The following CNTN5 variants were observed in gnomAD, a reference collection of about 807,000 sequenced individuals.
CNTN5 encodes the protein contactin-5.
Under a neutral mutation model 129.1 loss-of-function variants are expected in CNTN5, and 77 were observed. That is an observed-to-expected ratio of 0.60 (90% confidence interval 0.50 to 0.72). CNTN5 has a LOEUF of 0.72. Among genes scored for constraint, CNTN5 ranks in the 30% least tolerant of loss-of-function variants. The pLI is 0.00. For synonymous variants in CNTN5, 509 were observed against 465.6 expected, an observed-to-expected ratio of 1.09 and a Z score of -1.20; for missense variants, 1,478 against 1,328.8, an observed-to-expected ratio of 1.11 and a Z score of -1.75.
At chr11:99,481,360 A>G (rs1945593857) in intron 2 of CNTN5, among the ~76,000 whole-genome samples, 1 of 152,126 alleles carries the variant, frequency 6.6e-6, no homozygotes, top group African/African-American at 2.4e-5. Flanking sequence ...TCTTACACAA[A>G]ATATATTAGA....
chr11:99,158,157 C>G (rs968659656), intron 1 of CNTN5, among the ~76,000 whole-genome samples: 1 of 152,112 alleles, frequency 6.6e-6, no homozygotes, highest in African/African-American at 2.4e-5. Context: ...CACCTCACCT[C>G]TCTCTCCAAT....
At chr11:99,644,163 G>GTC (rs34247791) in intron 3 of CNTN5, among the ~76,000 whole-genome samples, 91,134 of 151,730 alleles carry the variant, frequency 0.6, 28,205 homozygotes, top group Admixed American at 0.69. Flanking sequence ...AAAAAAGACT[G>GTC]TCTCTAGCGT....
At chr11:99,394,571 G>T (rs182005142) in intron 2 of CNTN5, among the ~76,000 whole-genome samples, 58 of 151,350 alleles carry the variant, frequency 3.8e-4, no homozygotes, top group African/African-American at 1.2e-3. Flanking sequence ...AAGTTCGGGG[G>T]TATAAGTGCA....
chr11:99,813,915 A>T (rs1355867574), intron 3 of CNTN5, among the ~76,000 whole-genome samples: 4 of 152,172 alleles, frequency 2.6e-5, no homozygotes, highest in Non-Finnish European at 5.9e-5. Context: ...GAGATCTTAT[A>T]AAAGTTCAAG....
At chr11:100,336,427 T>A (rs914854004) in intron 21 of CNTN5, among the ~76,000 whole-genome samples, 1 of 152,114 alleles carries the variant, frequency 6.6e-6, no homozygotes, top group Non-Finnish European at 1.5e-5. Context: ...AATAAGAAAA[T>A]ATTTCTATAT....
At chr11:99,988,255 G>A (rs1236556283) in intron 8 of CNTN5, among the ~76,000 whole-genome samples, 1 of 152,242 alleles carries the variant, frequency 6.6e-6, no homozygotes, top group African/African-American at 2.4e-5. Flanking sequence ...AATCTGTGCA[G>A]ATTAAAGTGT....
chr11:99,488,142 C>A (rs1945888561), intron 2 of CNTN5, among the ~76,000 whole-genome samples: 1 of 146,756 alleles, frequency 6.8e-6, no homozygotes. Context: ...AGAATCTCTT[C>A]TAAGAATCTC....
At chr11:99,162,443 G>A (rs1412258359) in intron 1 of CNTN5, among the ~76,000 whole-genome samples, 4 of 152,068 alleles carry the variant, frequency 2.6e-5, no homozygotes, top group South Asian at 2.1e-4. Flanking sequence ...TGTCACTGAC[G>A]GGAAAATTCT....
chr11:99,349,325 G>T (rs77320489), intron 2 of CNTN5, among the ~76,000 whole-genome samples: 1 of 152,040 alleles, frequency 6.6e-6, no homozygotes, highest in East Asian at 1.9e-4. Context: ...TTTCCTGGCC[G>T]TCTGCCAGAA....
chr11:99,094,363 T>A (rs1471407445), intron 1 of CNTN5, among the ~76,000 whole-genome samples: 1 of 152,008 alleles, frequency 6.6e-6, no homozygotes, highest in African/African-American at 2.4e-5. Flanking sequence ...TAAGCAATTA[T>A]GAAACCTTAA....
intron 3 of CNTN5, among the ~76,000 whole-genome samples, chr11:99,698,809 A>G (rs1431344096): frequency 6.6e-6 from 1 of 151,032 alleles, no homozygotes; most frequent in Non-Finnish European, 1.5e-5. Context: ...TATAATCACA[A>G]TCATGAAAGT....
intron 7 of CNTN5, among the ~76,000 whole-genome samples, chr11:99,934,370 T>C (rs1399687311): frequency 6.6e-6 from 1 of 152,222 alleles, no homozygotes; most frequent in Non-Finnish European, 1.5e-5. Context: ...CATATATTAA[T>C]ACACATATTT....
chr11:99,251,220 A>G (rs980795514), intron 1 of CNTN5, among the ~76,000 whole-genome samples: 2 of 151,892 alleles, frequency 1.3e-5, no homozygotes, highest in African/African-American at 4.8e-5. Context: ...TTGCTGTCTC[A>G]TCTTCCTCCC....
At chr11:99,726,907 T>C (rs1943359073) in intron 3 of CNTN5, among the ~76,000 whole-genome samples, 1 of 152,168 alleles carries the variant, frequency 6.6e-6, no homozygotes, top group Non-Finnish European at 1.5e-5. Context: ...CATAAAAATA[T>C]GTATTAGACA....
chr11:99,038,205 C>A (rs1863837006), intron 1 of CNTN5, among the ~76,000 whole-genome samples: 1 of 151,968 alleles, frequency 6.6e-6, no homozygotes, highest in Non-Finnish European at 1.5e-5. Context: ...ATTATTTGTC[C>A]AAGCTGTAGT....
intron 1 of CNTN5, among the ~76,000 whole-genome samples, chr11:99,108,223 A>G (rs764252510): frequency 8.5e-5 from 13 of 152,212 alleles, no homozygotes; most frequent in Non-Finnish European, 1.6e-4. Context: ...ACCAAAAAGC[A>G]AACTACTTCT....
chr11:100,239,797 C>G lies in CNTN5; in HGVS notation c.2005+14985C>G, dbSNP rs373361199. 3.2e-4 allele frequency among the ~76,000 whole-genome samples: 49 copies of G among 152,246 alleles called. No individual in the cohort carries two copies. The East Asian group carries it at 5.0e-3, about 16-fold the overall frequency. On this transcript the variant is annotated intron_variant, in intron 16 of 24. Coordinates refer to ENST00000524871, the MANE Select transcript of CNTN5 (RefSeq NM_014361.4). ...AGAAAAGGAAATATTTTGCAAGTTA[C>G]ATAGGGTAATTATACTGAAGTGTCA...
intron 3 of CNTN5, among the ~76,000 whole-genome samples, chr11:99,656,025 G>T (rs694478): frequency 0.61 from 93,315 of 151,772 alleles, 29,567 homozygotes; most frequent in Admixed American, 0.7. Flanking sequence ...TCTGAATACA[G>T]GTATGTGTGT....
intron 3 of CNTN5, among the ~76,000 whole-genome samples, chr11:99,734,985 G>A (rs1357950436): frequency 2.0e-5 from 3 of 150,678 alleles, no homozygotes; most frequent in Non-Finnish European, 4.4e-5. Flanking sequence ...TCCGCCCTGG[G>A]GGAAAGAGCG....
Sources: allele counts gnomAD v4.1 joint callset (sites outside exome capture counted in the v4.1 genomes callset), GRCh38; gene constraint gnomAD v4.1.1; transcripts MANE v1.5; gene names NCBI Gene and HGNC (gene_info 2026-07-23, HGNC 2026-07-21).